PIK3C2A: variants seen among roughly 807,000 people sequenced by gnomAD.
PIK3C2A encodes phosphatidylinositol-4-phosphate 3-kinase catalytic subunit type 2 alpha, also known as phosphatidylinositol 4-phosphate 3-kinase C2 domain-containing subunit alpha.
A neutral mutation model predicts 204.5 loss-of-function variants in PIK3C2A; 97 were observed. That is an observed-to-expected ratio of 0.47 (90% CI 0.40 to 0.56). The LOEUF (loss-of-function observed/expected upper bound fraction) is 0.56, where lower values mean the gene tolerates loss of function less well. Among genes scored for constraint, PIK3C2A ranks in the 20% least tolerant of loss-of-function variants. The probability of loss-of-function intolerance (pLI) is 0.00; values close to 1 mark genes in which losing one functional copy is unlikely to be tolerated. For synonymous variants in PIK3C2A, 653 were observed against 664.4 expected (o/e 0.98, Z 0.26); for missense variants, 1,735 against 1,969.2 (o/e 0.88, Z 2.25).
chr11:17,187,163 G>A (rs1375947072), intron 1 of PIK3C2A, among the ~76,000 whole-genome samples: 6 of 152,146 alleles, frequency 3.9e-5, no homozygotes, highest in Non-Finnish European at 7.4e-5. Flanking sequence ...AGTTGAGATT[G>A]CCCTGGGAGA....
At chr11:17,106,062 T>G (rs1848804755) in intron 22 of PIK3C2A, among the ~76,000 whole-genome samples, 1 of 150,102 alleles carries the variant, frequency 6.7e-6, no homozygotes, top group African/African-American at 2.5e-5. Context: ...TGAGCCAAGA[T>G]AGCACTACTG....
chr11:17,205,473 C>CAAAAA (rs755518412), intron 1 of PIK3C2A, among the ~76,000 whole-genome samples: 1 of 25,384 alleles, frequency 3.9e-5, no homozygotes, highest in Non-Finnish European at 1.0e-4. Flanking sequence ...GACTCCATCT[C>CAAAAA]AAAAAAAAAA....
Position 17,086,883 on chromosome 11 carries a change from A to C in PIK3C2A, c.*2855T>G, listed in dbSNP as rs1159235399. On this transcript the variant is annotated 3_prime_UTR_variant, in exon 33 of 33. Coordinates refer to ENST00000691414, the MANE Select transcript of PIK3C2A (RefSeq NM_002645.4). ...ATGTCACAATATTTGAATCCTAGAA[A>C]GAATAGGCAACTAATTTAAGGCAAG... is the stretch of plus-strand genomic sequence containing the variant. 6.6e-6 allele frequency: 1 copy of C among 152,222 alleles called. No individual in the cohort carries two copies. 9.4% of individuals were successfully genotyped at this position (152,222 alleles called of 1,614,324 possible). A position where few individuals can be genotyped will look rare whatever the true frequency, so the allele number is the denominator to read the frequency against.
intron 1 of PIK3C2A, among the ~76,000 whole-genome samples, chr11:17,184,302 TAGG>T (rs907077842): frequency 6.6e-6 from 1 of 151,976 alleles, no homozygotes; most frequent in African/African-American, 2.4e-5. Context: ...ATTGTTATCC[TAGG>T]AGATGACAGC....
At chr11:17,191,971 A>G (rs1851960077) in intron 1 of PIK3C2A, among the ~76,000 whole-genome samples, 1 of 127,094 alleles carries the variant, frequency 7.9e-6, no homozygotes, top group African/African-American at 3.1e-5. Flanking sequence ...TGCTTCTACT[A>G]AAAAAAAAAA....
intron 11 of PIK3C2A, 33 bp downstream of exon 11, chr11:17,134,786 C>A (rs1042582111): frequency 6.6e-7 from 1 of 1,512,406 alleles, no homozygotes. Flanking sequence ...CAGGTGCAAG[C>A]CACCATGCCT....
chr11:17,135,286 GATAA>G, intron 9 of PIK3C2A, 127 bp from the exon 10 acceptor site: 1 of 846,790 alleles, frequency 1.2e-6, no homozygotes, highest in Non-Finnish European at 1.9e-6. Context: ...TTAATAAAAC[GATAA>G]ATAAATAATG....
At position 17,112,518 on chromosome 11, in the gene PIK3C2A, A is replaced by G. The variant is rs1849033677; in HGVS notation, c.3414+56T>C. On this transcript the variant is annotated intron_variant, in intron 21 of 32. Coordinates refer to ENST00000691414, the MANE Select transcript of PIK3C2A (RefSeq NM_002645.4). ...TCACCTTTGCAATTTTGGGAAAGTA[A>G]TTTGATAAAAAAATTTCTAAATTGC... 3 of 790,854 alleles carry G rather than the reference A, an allele frequency of 3.8e-6. No individual in the cohort carries two copies. The Admixed American group carries it at 7.1e-5, about 19-fold the overall frequency. 49.0% of individuals were successfully genotyped at this position (790,854 alleles called of 1,614,324 possible).
intron 11 of PIK3C2A, among the ~76,000 whole-genome samples, chr11:17,134,552 G>A (rs1849808754): frequency 2.6e-5 from 4 of 152,050 alleles, no homozygotes; most frequent in Admixed American, 2.6e-4. Flanking sequence ...GTAGAGACAG[G>A]TTCTCTCCAT....
rs1305191055 is a variant in PIK3C2A at position 17,145,700 on chromosome 11, G to A, written c.1672C>T (p.His558Tyr). ...TGAAGAGCCAGTTCTACTTGGTTGT[G>A]ATAAGAATCTAAGAGTTCTTCAACA... is the stretch of plus-strand genomic sequence containing the variant. ...HPVEELLDSY[H>Y]NQVELALQIE... The change falls in exon 8 of 33, where the codon CAC (histidine) becomes TAC (tyrosine). Residue 558 changes from histidine (H) to tyrosine (Y), a missense_variant. Physicochemically the swap from His to Tyr is moderately conservative, Grantham distance 83. Transcript: ENST00000691414. The A allele has an allele frequency of 6.2e-7, 1 of 1,609,322 alleles. No individual in the cohort carries two copies. The highest frequency in any genetic ancestry group is 8.5e-7 in the Non-Finnish European group (1 of 1,176,088).
intron 1 of PIK3C2A, among the ~76,000 whole-genome samples, chr11:17,195,042 A>G (rs1177110174): frequency 3.9e-5 from 6 of 152,172 alleles, no homozygotes; most frequent in Non-Finnish European, 8.8e-5. Flanking sequence ...TGAGGGTATG[A>G]CACAATGAAA....
intron 27 of PIK3C2A, 96 bp from the exon 28 acceptor site, chr11:17,094,481 T>C (rs1848398036): frequency 1.1e-6 from 1 of 946,900 alleles, no homozygotes; most frequent in Non-Finnish European, 1.6e-6. Flanking sequence ...CCCAGCACTT[T>C]GGGAGGCCGA....
At chr11:17,107,191 T>C (rs544732302) in intron 22 of PIK3C2A, among the ~76,000 whole-genome samples, 1 of 152,246 alleles carries the variant, frequency 6.6e-6, no homozygotes, top group East Asian at 1.9e-4. Context: ...CGGAAGCCTG[T>C]AGTCCCAGCT....
At chr11:17,167,325 T>G (rs754574121) in intron 2 of PIK3C2A, among the ~76,000 whole-genome samples, 1 of 152,144 alleles carries the variant, frequency 6.6e-6, no homozygotes, top group Non-Finnish European at 1.5e-5. Context: ...ATGTTTTTTT[T>G]TTAAGTCAAC....
intron 12 of PIK3C2A, among the ~76,000 whole-genome samples, 177 bp from the exon 13 acceptor site, chr11:17,129,644 T>G (rs1275288126): frequency 6.6e-6 from 1 of 152,198 alleles, no homozygotes; most frequent in Non-Finnish European, 1.5e-5. Flanking sequence ...TAGGCTGGAG[T>G]GCAATGGCAC....
rs974104843 is a variant in PIK3C2A, at chr11:17,159,516, A to G, written c.1066-3887T>C. 2.6e-5 allele frequency among the ~76,000 whole-genome samples: 4 copies of G among 152,210 alleles called. No individual in the cohort carries two copies. The East Asian group carries it at 7.7e-4, about 29-fold the overall frequency. On this transcript the variant is annotated intron_variant, in intron 2 of 32. Transcript: ENST00000691414. ...AATATTCTATTCCAGAGCTAGAAAC[A>G]AAGATTTAGTGATCATCCAATTTCT...
intron 1 of PIK3C2A, 76 bp from the exon 2 acceptor site, chr11:17,169,882 T>C: frequency 4.8e-6 from 3 of 621,498 alleles, no homozygotes; most frequent in South Asian, 4.4e-5. Flanking sequence ...CTACCCCATA[T>C]GACTTTGGAC....
intron 8 of PIK3C2A, among the ~76,000 whole-genome samples, chr11:17,139,615 C>T (rs1470546587): frequency 2.6e-5 from 4 of 152,216 alleles, no homozygotes; most frequent in South Asian, 2.1e-4. Context: ...ATTTCCCCAA[C>T]GGCATGCCAT....
At position 17,189,421 on chromosome 11, in the gene PIK3C2A, C is replaced by T. The variant is rs183518849; in HGVS notation, c.-66+18427G>A. Among the ~76,000 whole-genome samples the T allele has an allele frequency of 8.2e-5, 12 of 146,078 alleles. No individual in the cohort carries two copies. In the East Asian group the frequency reaches 1.7e-3, roughly 21 times the overall value. On this transcript the variant is annotated intron_variant, in intron 1 of 32. Transcript: ENST00000691414. Reference sequence around the variant, plus strand: ...CCTGAGGTCAGGAGTTCAAGACCAGCGTGGCCAAGATGGTGAAACCCCATC... The same window carrying T: ...CCTGAGGTCAGGAGTTCAAGACCAGTGTGGCCAAGATGGTGAAACCCCATC...
Sources: gnomAD v4.1 joint callset for allele counts (sites outside exome capture counted in the v4.1 genomes callset) on GRCh38, gnomAD v4.1.1 for gene constraint, MANE v1.5 for transcripts, NCBI Gene and HGNC (gene_info 2026-07-23, HGNC 2026-07-21) for gene names.